GPHN: variants seen among roughly 807,000 people sequenced by gnomAD.
GPHN encodes gephyrin.
GPHN carries 17 observed loss-of-function variants against 95.5 expected under a neutral mutation model. The ratio of observed to expected loss-of-function variants is 0.18; its 90% confidence interval spans 0.12 to 0.27. GPHN has a LOEUF of 0.27. GPHN is among the 10% of genes least tolerant of loss of function. The probability of loss-of-function intolerance (pLI) is 1.00; values close to 1 mark genes in which losing one functional copy is unlikely to be tolerated. For synonymous variants in GPHN, 320 were observed against 322.5 expected (o/e 0.99, Z 0.08); for missense variants, 660 against 978.1 (o/e 0.67, Z 4.34).
intron 17 of GPHN, among the ~76,000 whole-genome samples, chr14:67,122,784 AT>A (rs1462251078): frequency 6.6e-6 from 1 of 152,134 alleles, no homozygotes; most frequent in East Asian, 1.9e-4. Context: ...TTTAAGTACA[AT>A]TTTTTTCTAG....
the GPHN span, among the ~76,000 whole-genome samples, chr14:67,538,247 G>C: frequency 6.6e-6 from 1 of 152,164 alleles, no homozygotes; most frequent in Middle Eastern, 3.2e-3. Flanking sequence ...CACTACTGAA[G>C]CATCATCATG....
In GPHN at chr14:66,879,939, G is replaced by A; in HGVS notation, c.295G>A (p.Ala99Thr). 2 of 1,597,902 alleles carry A rather than the reference G, an allele frequency of 1.3e-6. No homozygotes were observed. Among genetic ancestry groups the A allele is most frequent in the African/African-American group, 1.3e-5 (1 of 74,562 alleles). ...TCTGCTATTTAATCTTTAATTACAG[G>A]CCACAAAAGAAGTAATAGAACGGGA... ...GFAPRDVTPE[A>T]TKEVIEREAP... The change falls in exon 5 of 23, where the codon GCC (alanine) becomes ACC (threonine). Residue 99 changes from alanine to threonine, a missense_variant and splice_region_variant. Ala to Thr is a moderately conservative substitution (Grantham distance 58). Coordinates refer to ENST00000478722, the MANE Select transcript of GPHN (RefSeq NM_020806.5).
At chr14:67,357,902 G>A in the GPHN span, among the ~76,000 whole-genome samples, 1 of 152,196 alleles carries the variant, frequency 6.6e-6, no homozygotes, top group Non-Finnish European at 1.5e-5. Flanking sequence ...TGATGATTAC[G>A]TTTCAAAGAA....
downstream of GPHN, among the ~76,000 whole-genome samples, chr14:67,184,699 G>A (rs2083360038): frequency 6.6e-6 from 1 of 152,156 alleles, no homozygotes; most frequent in South Asian, 2.1e-4. Context: ...AGATAGACAT[G>A]TCCCATTGGC....
At chr14:66,719,393 A>G (rs1487203990) in intron 2 of GPHN, among the ~76,000 whole-genome samples, 1 of 152,034 alleles carries the variant, frequency 6.6e-6, no homozygotes. Context: ...TTTCCCATAA[A>G]CTAGACATTA....
chr14:67,566,271 A>C, the GPHN span, among the ~76,000 whole-genome samples: 1 of 110,802 alleles, frequency 9.0e-6, no homozygotes. Flanking sequence ...CATCAGGAAG[A>C]CTAGGGGATG....
chr14:67,664,215 T>C, the GPHN span, among the ~76,000 whole-genome samples: 3 of 152,292 alleles, frequency 2.0e-5, no homozygotes, highest in South Asian at 2.1e-4. Flanking sequence ...CACACCGTTG[T>C]GGAGCCATCA....
chr14:67,051,715 G>A (rs2075314417), intron 10 of GPHN, among the ~76,000 whole-genome samples: 1 of 152,128 alleles, frequency 6.6e-6, no homozygotes, highest in South Asian at 2.1e-4. Context: ...AGAGAAAAAG[G>A]CCAGGTTACC....
chr14:66,650,053 C>T (rs1047699437), intron 1 of GPHN, among the ~76,000 whole-genome samples: 21 of 151,296 alleles, frequency 1.4e-4, no homozygotes, highest in African/African-American at 4.9e-4. Context: ...GGGAGACAGA[C>T]CCAATGATGA....
At chr14:67,651,710 G>T in the GPHN span, 4 of 373,296 alleles carry the variant, frequency 1.1e-5, no homozygotes, top group Admixed American at 4.3e-5. Flanking sequence ...GCATAAAAAT[G>T]GATTCTGAAA....
At chr14:67,507,699 T>A in the GPHN span, among the ~76,000 whole-genome samples, 1 of 152,184 alleles carries the variant, frequency 6.6e-6, no homozygotes, top group Non-Finnish European at 1.5e-5. Flanking sequence ...TCTCCCAAAG[T>A]GCTAGGATTA....
At chr14:67,714,602 G>A in the GPHN span, 1 of 168,828 alleles carries the variant, frequency 5.9e-6, no homozygotes, top group African/African-American at 2.4e-5. Flanking sequence ...AGGCCTTTTA[G>A]AAAACATGGA....
At chr14:67,080,796 A>G (rs2076665247) in intron 11 of GPHN, among the ~76,000 whole-genome samples, 1 of 152,122 alleles carries the variant, frequency 6.6e-6, no homozygotes, top group African/African-American at 2.4e-5. Context: ...AGTCCGCTGT[A>G]TCATTCTTAT....
In GPHN at chr14:66,539,760, C is replaced by T. The variant is rs1224613529; in HGVS notation, c.64+31169C>T. Among the ~76,000 whole-genome samples, 3 of 152,132 alleles carry T rather than the reference C, an allele frequency of 2.0e-5. No homozygotes were observed. In the East Asian group the frequency reaches 5.8e-4, roughly 29 times the overall value. On this transcript the variant is annotated intron_variant, in intron 1 of 22. Transcript: ENST00000478722. ...ACCAGTGGAGTCTTTCTGTCTGGGC[C>T]AATCTCAGTTCTCAGTCTCTGTCCA...
At chr14:67,674,971 G>T in the GPHN span, 1 of 152,538 alleles carries the variant, frequency 6.6e-6, no homozygotes, top group Non-Finnish European at 1.5e-5. Flanking sequence ...GTCGCGCGTT[G>T]CTCCGGGTGC....
the GPHN span, among the ~76,000 whole-genome samples, chr14:67,702,596 AT>A: frequency 6.6e-6 from 1 of 152,212 alleles, no homozygotes; most frequent in African/African-American, 2.4e-5. Flanking sequence ...ACATTTTAAT[AT>A]TTATTTTACT....
the GPHN span, among the ~76,000 whole-genome samples, chr14:67,634,313 CTGGGTGCGA>C: frequency 1.3e-5 from 2 of 151,656 alleles, no homozygotes; most frequent in Non-Finnish European, 2.9e-5. Flanking sequence ...TTAGTAGGGG[CTGGGTGCGA>C]TGGCTCACAC....
At chr14:66,695,091 G>A (rs927145740) in intron 2 of GPHN, among the ~76,000 whole-genome samples, 1 of 151,934 alleles carries the variant, frequency 6.6e-6, no homozygotes, top group Admixed American at 6.6e-5. Flanking sequence ...CCCAGGAGGC[G>A]GAGGTTTCAG....
the GPHN span, chr14:67,225,120 C>A: frequency 6.4e-7 from 1 of 1,559,856 alleles, no homozygotes; most frequent in South Asian, 1.2e-5. Context: ...CCCTCTAGTT[C>A]TCTCCCCTCA....
Sources: gnomAD v4.1 joint callset for allele counts (sites outside exome capture counted in the v4.1 genomes callset) on GRCh38, gnomAD v4.1.1 for gene constraint, MANE v1.5 for transcripts, NCBI Gene and HGNC (gene_info 2026-07-23, HGNC 2026-07-21) for gene names.